Variants in MACROD2 observed in about 807,000 individuals in gnomAD.
MACROD2 encodes the protein mono-ADP ribosylhydrolase 2.
MACROD2 carries 36 observed loss-of-function variants against 70.4 expected under a neutral mutation model. The observed-to-expected ratio is 0.51, with a 90% CI of 0.39 to 0.68. The LOEUF (loss-of-function observed/expected upper bound fraction) is 0.68. Ranked by LOEUF, MACROD2 falls within the 30% of genes least tolerant of loss-of-function variation. The probability of loss-of-function intolerance (pLI) is 0.00; values close to 1 mark genes in which losing one functional copy is unlikely to be tolerated. For synonymous variants in MACROD2, 172 were observed against 178.8 expected (o/e 0.96, Z 0.30); for missense variants, 496 against 538.4 (o/e 0.92, Z 0.78).
chr20:14,921,762 G>A (rs1158156058), intron 5 of MACROD2, among the ~76,000 whole-genome samples: 1 of 152,208 alleles, frequency 6.6e-6, no homozygotes, highest in East Asian at 1.9e-4. Flanking sequence ...GGAGCTGACA[G>A]AATGCCAATA....
At chr20:14,008,957 T>C (rs2052860630) in intron 2 of MACROD2, among the ~76,000 whole-genome samples, 1 of 152,158 alleles carries the variant, frequency 6.6e-6, no homozygotes, top group Non-Finnish European at 1.5e-5. Context: ...TTACACCTTA[T>C]ACACAGATTA....
intron 6 of MACROD2, among the ~76,000 whole-genome samples, chr20:15,231,039 G>C (rs1033367335): frequency 6.6e-6 from 1 of 152,084 alleles, no homozygotes; most frequent in East Asian, 1.9e-4. Flanking sequence ...GAAATTTTGA[G>C]AAGCAGATAC....
intron 8 of MACROD2, among the ~76,000 whole-genome samples, chr20:15,708,516 CAG>C (rs1191135959): frequency 6.6e-6 from 1 of 152,104 alleles, no homozygotes; most frequent in Non-Finnish European, 1.5e-5. Context: ...GAGGCGGAAA[CAG>C]AGCAAGTGAG....
At chr20:14,828,239 C>T (rs1600703706) in intron 5 of MACROD2, among the ~76,000 whole-genome samples, 1 of 152,054 alleles carries the variant, frequency 6.6e-6, no homozygotes, top group Non-Finnish European at 1.5e-5. Context: ...TCATTAATTA[C>T]TTGCTATTGG....
intron 5 of MACROD2, among the ~76,000 whole-genome samples, chr20:14,906,510 A>G (rs73270508): frequency 0.017 from 2,527 of 151,950 alleles, 81 homozygotes; most frequent in African/African-American, 0.057. Flanking sequence ...AAAAGAAAAG[A>G]AAAAAAAATC....
At chr20:14,090,187 A>G (rs2148672033) in intron 3 of MACROD2, among the ~76,000 whole-genome samples, 1 of 152,294 alleles carries the variant, frequency 6.6e-6, no homozygotes, top group Non-Finnish European at 1.5e-5. Flanking sequence ...GTGTGTATAT[A>G]TGTGTGTAGT....
intron 8 of MACROD2, among the ~76,000 whole-genome samples, chr20:15,660,511 A>G (rs1198994739): frequency 6.6e-6 from 1 of 152,126 alleles, no homozygotes; most frequent in Non-Finnish European, 1.5e-5. Context: ...CAACAGCAGG[A>G]TTTTGGTGTC....
Position 15,854,370 on chromosome 20 carries a change from C to T in MACROD2, c.646-8375C>T, listed in dbSNP as rs77353268. ...TGGCCTCTAGAAGATAAAAGCCATC[C>T]CTGGTCAACACCTAGCAGGAAAATG... On this transcript the variant is annotated intron_variant, in intron 8 of 17. Transcript: ENST00000684519. 3.0e-3 allele frequency among the ~76,000 whole-genome samples: 454 copies of T among 152,132 alleles called. 5 individuals carry two copies. The highest frequency in any genetic ancestry group is 0.014 in the Middle Eastern group (4 of 294).
chr20:14,825,877 C>G (rs574363497), intron 5 of MACROD2, among the ~76,000 whole-genome samples: 2 of 152,108 alleles, frequency 1.3e-5, no homozygotes, highest in Non-Finnish European at 2.9e-5. Context: ...ATGGGGATGC[C>G]TATGCACAAA....
intron 3 of MACROD2, among the ~76,000 whole-genome samples, chr20:14,248,723 A>T (rs938790147): frequency 3.9e-5 from 6 of 152,192 alleles, no homozygotes; most frequent in Non-Finnish European, 8.8e-5. Context: ...GTATATGCAG[A>T]TATTCCAAAA....
intron 6 of MACROD2, among the ~76,000 whole-genome samples, chr20:15,246,441 A>G (rs2077106485): frequency 6.6e-6 from 1 of 152,224 alleles, no homozygotes; most frequent in Non-Finnish European, 1.5e-5. Context: ...AAGTTGACCT[A>G]GAAATCTGAA....
intron 6 of MACROD2, among the ~76,000 whole-genome samples, chr20:15,366,129 G>A (rs926578114): frequency 2.6e-5 from 4 of 152,198 alleles, no homozygotes; most frequent in African/African-American, 7.2e-5. Flanking sequence ...AGCCATCTCT[G>A]GAACAGAGTA....
intron 5 of MACROD2, among the ~76,000 whole-genome samples, chr20:15,173,759 T>C (rs2076439807): frequency 6.6e-6 from 1 of 152,196 alleles, no homozygotes; most frequent in African/African-American, 2.4e-5. Flanking sequence ...CATGGTGATA[T>C]CACGGTTGCA....
chr20:14,209,829 G>A (rs1338827209), intron 3 of MACROD2, among the ~76,000 whole-genome samples: 1 of 152,154 alleles, frequency 6.6e-6, no homozygotes, highest in East Asian at 1.9e-4. Flanking sequence ...CGCAAGGGAG[G>A]CTTGGAAATG....
chr20:15,796,080 AC>A (rs2063670894), intron 8 of MACROD2, among the ~76,000 whole-genome samples: 1 of 152,178 alleles, frequency 6.6e-6, no homozygotes, highest in East Asian at 1.9e-4. Context: ...GCACCCCAAC[AC>A]CTCTGGAGAC....
chr20:14,254,803 T>C (rs2082039597), intron 3 of MACROD2, among the ~76,000 whole-genome samples: 1 of 152,128 alleles, frequency 6.6e-6, no homozygotes, highest in African/African-American at 2.4e-5. Context: ...AGCTGGTTAT[T>C]TTGCTCGTTA....
At chr20:15,515,426 T>G (rs939876346) in intron 8 of MACROD2, among the ~76,000 whole-genome samples, 2 of 152,216 alleles carry the variant, frequency 1.3e-5, no homozygotes, top group African/African-American at 4.8e-5. Flanking sequence ...AATCTGTACT[T>G]ACTCCTGTTA....
intron 5 of MACROD2, among the ~76,000 whole-genome samples, chr20:14,897,361 A>G (rs1366876024): frequency 6.6e-6 from 1 of 152,142 alleles, no homozygotes; most frequent in Admixed American, 6.5e-5. Context: ...TTTCCTGTCA[A>G]TTAGTTCTTA....
intron 4 of MACROD2, among the ~76,000 whole-genome samples, chr20:14,649,219 G>A (rs1985550660): frequency 6.6e-6 from 1 of 152,166 alleles, no homozygotes; most frequent in Admixed American, 6.5e-5. Context: ...CCTGTCATGG[G>A]TTCAGTTAGT....
Sources: gnomAD v4.1 joint callset for allele counts (sites outside exome capture counted in the v4.1 genomes callset) on GRCh38, gnomAD v4.1.1 for gene constraint, MANE v1.5 for transcripts, NCBI Gene and HGNC (gene_info 2026-07-23, HGNC 2026-07-21) for gene names.